The following LUZP2 variants were observed in gnomAD, a reference collection of about 807,000 sequenced individuals.
The protein encoded by LUZP2 is leucine zipper protein 2.
In LUZP2, 52 loss-of-function variants were observed where a neutral mutation model predicts 51.6. That is an observed-to-expected ratio of 1.01 (90% confidence interval 0.81 to 1.27). The LOEUF (loss-of-function observed/expected upper bound fraction) is 1.27, where lower values mean the gene tolerates loss of function less well. LUZP2 is among the 50% of genes most tolerant of loss of function. LUZP2 has a pLI of 0.00. For missense variants in LUZP2, 436 were observed against 395.4 expected, an observed-to-expected ratio of 1.10 and a Z score of -0.87; for synonymous variants, 154 against 137.3, an observed-to-expected ratio of 1.12 and a Z score of -0.85.
At chr11:24,882,875 TAAAGAAAAAGAAGG>T (rs1565049181) in intron 5 of LUZP2, among the ~76,000 whole-genome samples, 1 of 62,104 alleles carries the variant, frequency 1.6e-5, no homozygotes, top group African/African-American at 7.6e-5. Context: ...AGAAAGAAAA[TAAAGAAAAAGAAGG>T]AAAGAAAAAG....
chr11:25,032,433 C>T lies in LUZP2; in HGVS notation c.766-17605C>T, dbSNP rs189363053. On this transcript the variant is annotated intron_variant, in intron 9 of 11. Transcript: ENST00000336930. Reference sequence around the variant, plus strand: ...TCCTGCAAAAATGGGGATTCTAATACACCCTTATTTCTTCATATTTTAGTA... The same window carrying T: ...TCCTGCAAAAATGGGGATTCTAATATACCCTTATTTCTTCATATTTTAGTA... Among the ~76,000 whole-genome samples the T allele has an allele frequency of 1.0e-3, 156 of 152,226 alleles. 1 individual carries two copies. Among genetic ancestry groups the T allele is most frequent in the Middle Eastern group, 3.4e-3 (1 of 294 alleles).
intron 1 of LUZP2, among the ~76,000 whole-genome samples, chr11:24,597,894 G>T (rs181774044): frequency 6.6e-6 from 1 of 152,110 alleles, no homozygotes; most frequent in Non-Finnish European, 1.5e-5. Context: ...TTGAGGTCAG[G>T]AGTTCAAGAC....
intron 1 of LUZP2, among the ~76,000 whole-genome samples, chr11:24,640,339 T>G (rs1855237288): frequency 6.6e-6 from 1 of 151,886 alleles, no homozygotes; most frequent in Non-Finnish European, 1.5e-5. Context: ...GTACAAGAGA[T>G]GACTGGTACC....
chr11:24,844,477 C>T (rs752257937), intron 5 of LUZP2, among the ~76,000 whole-genome samples: 12 of 151,936 alleles, frequency 7.9e-5, no homozygotes, highest in Non-Finnish European at 1.5e-4. Flanking sequence ...ATATTTGCAC[C>T]CTGACAATAC....
At chr11:24,533,886 C>A (rs1851089083) in intron 1 of LUZP2, among the ~76,000 whole-genome samples, 1 of 151,210 alleles carries the variant, frequency 6.6e-6, no homozygotes, top group African/African-American at 2.4e-5. Flanking sequence ...CTTAACATAT[C>A]TGTGCTCCCT....
chr11:24,871,344 A>G (rs1331498415), intron 5 of LUZP2, among the ~76,000 whole-genome samples: 1 of 152,062 alleles, frequency 6.6e-6, no homozygotes, highest in African/African-American at 2.4e-5. Flanking sequence ...AACCACTAAC[A>G]TAGTTTTCTT....
At chr11:24,820,792 G>C (rs918619768) in intron 5 of LUZP2, among the ~76,000 whole-genome samples, 1 of 152,072 alleles carries the variant, frequency 6.6e-6, no homozygotes, top group African/African-American at 2.4e-5. Flanking sequence ...GATGAGCCAG[G>C]CTGATGATGT....
Position 24,779,299 on chromosome 11 carries a change from A to G in LUZP2, c.396+15991A>G, listed in dbSNP as rs184598778. ...TTATCAACTATTTTCTCCCTCAGAC[A>G]TAAGAAAATGCCAGTGCTTAGAAGA... On this transcript the variant is annotated intron_variant, in intron 5 of 11. Transcript: ENST00000336930. Among the ~76,000 whole-genome samples, 6 of 152,320 alleles carry G rather than the reference A, an allele frequency of 3.9e-5. No homozygotes were observed. In the East Asian group the frequency reaches 9.6e-4, roughly 24 times the overall value.
intron 5 of LUZP2, among the ~76,000 whole-genome samples, chr11:24,778,230 G>A (rs958284985): frequency 5.3e-5 from 8 of 151,758 alleles, no homozygotes; most frequent in Non-Finnish European, 7.4e-5. Context: ...GTGAGACCTC[G>A]TCTCTGCAAA....
At chr11:24,601,164 C>T (rs966292513) in intron 1 of LUZP2, among the ~76,000 whole-genome samples, 1 of 151,882 alleles carries the variant, frequency 6.6e-6, no homozygotes, top group Non-Finnish European at 1.5e-5. Flanking sequence ...TGGAGGGGTA[C>T]AAATATCAAA....
chr11:24,886,431 C>T (rs904253449), intron 5 of LUZP2, among the ~76,000 whole-genome samples: 2 of 152,088 alleles, frequency 1.3e-5, no homozygotes, highest in Admixed American at 1.3e-4. Flanking sequence ...CTTTTTATTT[C>T]CATGTAGCTA....
At chr11:25,050,004 T>G (rs1256955186) in intron 9 of LUZP2, 34 bp from the exon 10 acceptor site, 1 of 1,306,922 alleles carries the variant, frequency 7.7e-7, no homozygotes, top group Non-Finnish European at 1.1e-6. Flanking sequence ...ATTTAGTGAT[T>G]TCTTTCTTTC....
chr11:25,023,599 AT>A (rs138980479), intron 9 of LUZP2, among the ~76,000 whole-genome samples: 87,901 of 151,536 alleles, frequency 0.58, 26,608 homozygotes, highest in African/African-American at 0.76. Context: ...GGATTCATTG[AT>A]TTTTTTGAAG....
intron 5 of LUZP2, among the ~76,000 whole-genome samples, chr11:24,896,785 C>A (rs1432356318): frequency 6.6e-6 from 1 of 152,234 alleles, no homozygotes; most frequent in Non-Finnish European, 1.5e-5. Context: ...ACTTGGAGAA[C>A]TTTTGTGGCT....
At chr11:24,514,355 T>C (rs1850400387) in intron 1 of LUZP2, among the ~76,000 whole-genome samples, 1 of 152,216 alleles carries the variant, frequency 6.6e-6, no homozygotes, top group Non-Finnish European at 1.5e-5. Flanking sequence ...ATAAGAATGG[T>C]TTCAGAATAA....
intron 1 of LUZP2, among the ~76,000 whole-genome samples, chr11:24,540,948 C>T (rs1486775870): frequency 6.6e-6 from 1 of 152,044 alleles, no homozygotes; most frequent in Non-Finnish European, 1.5e-5. Context: ...AAACGTGACA[C>T]TTTAAGAAAT....
chr11:24,841,729 C>T (rs1187299172), intron 5 of LUZP2, among the ~76,000 whole-genome samples: 1 of 151,962 alleles, frequency 6.6e-6, no homozygotes, highest in Non-Finnish European at 1.5e-5. Flanking sequence ...AATTAACTGG[C>T]ACATAGATAT....
At chr11:24,929,478 A>C (rs1173504213) in intron 7 of LUZP2, among the ~76,000 whole-genome samples, 1 of 152,124 alleles carries the variant, frequency 6.6e-6, no homozygotes, top group Non-Finnish European at 1.5e-5. Flanking sequence ...TTGTTTACCC[A>C]GTGATCATTG....
intron 7 of LUZP2, among the ~76,000 whole-genome samples, chr11:24,957,761 T>A (rs1855251841): frequency 6.6e-6 from 1 of 152,188 alleles, no homozygotes; most frequent in Admixed American, 6.5e-5. Context: ...TTTCTTTTTT[T>A]TTATTAATAT....
Sources: allele counts gnomAD v4.1 joint callset (sites outside exome capture counted in the v4.1 genomes callset), GRCh38; gene constraint gnomAD v4.1.1; transcripts MANE v1.5; gene names NCBI Gene and HGNC (gene_info 2026-07-23, HGNC 2026-07-21).